The following FAM149B1 variants were observed in gnomAD, a reference collection of about 807,000 sequenced individuals.
FAM149B1 encodes family with sequence similarity 149 member B1, also known as primary cilium assembly protein FAM149B1.
FAM149B1 carries 56 observed loss-of-function variants against 75.3 expected under a neutral mutation model. The observed-to-expected ratio is 0.74, with a 90% confidence interval of 0.60 to 0.93. The LOEUF (loss-of-function observed/expected upper bound fraction) is 0.93, where lower values mean the gene tolerates loss of function less well. FAM149B1 is among the 40% of genes least tolerant of loss of function. FAM149B1 has a pLI of 0.00. For synonymous variants in FAM149B1, 259 were observed against 256.1 expected, an observed-to-expected ratio of 1.01 and a Z score of -0.11; for missense variants, 639 against 708.4, an observed-to-expected ratio of 0.90 and a Z score of 1.11.
intron 3 of FAM149B1, among the ~76,000 whole-genome samples, chr10:73,184,544 T>G (rs2042473116): frequency 6.6e-6 from 1 of 152,190 alleles, no homozygotes; most frequent in Non-Finnish European, 1.5e-5. Context: ...AGCAAGTTTT[T>G]TAACTATAAA....
intron 2 of FAM149B1, among the ~76,000 whole-genome samples, chr10:73,175,185 C>T (rs1402245724): frequency 6.6e-6 from 1 of 151,970 alleles, no homozygotes; most frequent in East Asian, 1.9e-4. Context: ...ACATGGCAAA[C>T]CCCATCTCTA....
chr10:73,226,376 G>A (rs1359171212), intron 7 of FAM149B1, among the ~76,000 whole-genome samples: 1 of 152,086 alleles, frequency 6.6e-6, no homozygotes, highest in Non-Finnish European at 1.5e-5. Flanking sequence ...GTGGTGGCGG[G>A]CACCTGTAGT....
intron 13 of FAM149B1, among the ~76,000 whole-genome samples, chr10:73,240,445 G>A (rs1304829043): frequency 3.3e-5 from 5 of 152,174 alleles, no homozygotes; most frequent in African/African-American, 7.2e-5. Context: ...GGGCGTGGTG[G>A]CTCATGCCTG....
At chr10:73,192,336 A>G (rs2042704430) in intron 3 of FAM149B1, 1 of 498,558 alleles carries the variant, frequency 2.0e-6, no homozygotes, top group Admixed American at 3.9e-5. Context: ...TAAAAAACAG[A>G]CATTTATCTA....
intron 5 of FAM149B1, among the ~76,000 whole-genome samples, chr10:73,207,488 C>T (rs1300530777): frequency 1.3e-5 from 2 of 151,864 alleles, no homozygotes; most frequent in Non-Finnish European, 2.9e-5. Flanking sequence ...TGCTTGAACC[C>T]GGGAGGCAGA....
intron 7 of FAM149B1, among the ~76,000 whole-genome samples, chr10:73,217,324 G>A (rs572254814): frequency 3.3e-5 from 5 of 152,140 alleles, no homozygotes; most frequent in Non-Finnish European, 7.4e-5. Flanking sequence ...TAGAATGGCT[G>A]GCTTATAGTT....
Position 73,230,106 on chromosome 10 carries a change from T to C in FAM149B1, c.1024-316T>C, listed in dbSNP as rs117551545. Among the ~76,000 whole-genome samples, 16 of 152,282 alleles carry C rather than the reference T, an allele frequency of 1.1e-4. No individual in the cohort carries two copies. The East Asian group carries it at 3.1e-3, about 29-fold the overall frequency. The stretch of plus-strand genomic sequence containing the variant: ...ATTGTTCCATATTTTGTCTGTGAGT[T>C]TTCTCTTCTATTTTAATGTAAACAA... On this transcript the variant is annotated intron_variant, in intron 8 of 13. Transcript: ENST00000242505.
intron 3 of FAM149B1, among the ~76,000 whole-genome samples, chr10:73,186,720 C>T (rs981494311): frequency 1.3e-5 from 2 of 152,110 alleles, no homozygotes; most frequent in Non-Finnish European, 2.9e-5. Flanking sequence ...AAAGAAGTTC[C>T]GATACATGTT....
chr10:73,194,521 T>A (rs1589151943), intron 5 of FAM149B1, among the ~76,000 whole-genome samples: 1 of 151,834 alleles, frequency 6.6e-6, no homozygotes, highest in Admixed American at 6.6e-5. Flanking sequence ...GCCTCCCGAG[T>A]AGCTGGGACT....
intron 3 of FAM149B1, among the ~76,000 whole-genome samples, chr10:73,185,718 G>A (rs1012737951): frequency 5.3e-5 from 8 of 151,984 alleles, no homozygotes; most frequent in African/African-American, 1.9e-4. Flanking sequence ...GTATTACACT[G>A]ATACCAAAAC....
chr10:73,173,615 G>A (rs778619291), intron 1 of FAM149B1, among the ~76,000 whole-genome samples: 4 of 152,142 alleles, frequency 2.6e-5, no homozygotes, highest in African/African-American at 4.8e-5. Flanking sequence ...CCCCTGTACA[G>A]TAAAACATCC....
chr10:73,177,857 T>C lies in FAM149B1; in HGVS notation c.164T>C (p.Ile55Thr). ...KDTSSQSKSD[I>T]TRESSFTSAD... is the part of the protein sequence containing the mutation. ...AATTGTGCCTTTAGCAAGTCTGACA[T>C]CACAAGAGAATCATCTTTTACATCA... The change falls in exon 3 of 14, where the codon ATC (isoleucine) becomes ACC (threonine). Residue 55 changes from isoleucine to threonine, a missense_variant. Physicochemically the swap from Ile to Thr is moderately conservative, Grantham distance 89. Transcript: ENST00000242505. 6.5e-7 allele frequency: 1 copy of C among 1,549,792 alleles called. No homozygotes were observed. Among genetic ancestry groups the C allele is most frequent in the Non-Finnish European group, 8.7e-7 (1 of 1,146,744 alleles).
At chr10:73,214,611 T>G (rs1227045679) in intron 7 of FAM149B1, among the ~76,000 whole-genome samples, 1 of 152,230 alleles carries the variant, frequency 6.6e-6, no homozygotes, top group Non-Finnish European at 1.5e-5. Context: ...ATTTATTGAT[T>G]TGCATATGTT....
intron 10 of FAM149B1, 175 bp downstream of exon 10, chr10:73,233,338 T>TCTGGAG: frequency 1.7e-6 from 1 of 581,036 alleles, no homozygotes; most frequent in Non-Finnish European, 3.0e-6. Flanking sequence ...GTGGTTAAAT[T>TCTGGAG]TTATTTTATT....
At chr10:73,212,363 C>T (rs955863132) in intron 7 of FAM149B1, among the ~76,000 whole-genome samples, 8 of 152,282 alleles carry the variant, frequency 5.3e-5, no homozygotes, top group Admixed American at 4.6e-4. Flanking sequence ...CCACTGCAAC[C>T]TCTGCCGCCT....
intron 9 of FAM149B1, among the ~76,000 whole-genome samples, chr10:73,232,560 G>A (rs938907138): frequency 3.7e-4 from 56 of 152,332 alleles, no homozygotes; most frequent in African/African-American, 1.3e-3. Context: ...CAGCACAAAA[G>A]AATGCCTCAA....
At chr10:73,192,243 C>A in intron 3 of FAM149B1, 1 of 127,520 alleles carries the variant, frequency 7.8e-6, no homozygotes, top group Non-Finnish European at 1.5e-5. Context: ...TCAAGTGAAG[C>A]AGTAGGAGTG....
chr10:73,202,978 C>G (rs976906266), intron 5 of FAM149B1, among the ~76,000 whole-genome samples: 17 of 152,184 alleles, frequency 1.1e-4, no homozygotes, highest in African/African-American at 4.1e-4. Flanking sequence ...TTTACCAACT[C>G]TTGCATAAGA....
At chr10:73,188,836 G>A (rs912099521) in intron 3 of FAM149B1, among the ~76,000 whole-genome samples, 3 of 150,554 alleles carry the variant, frequency 2.0e-5, no homozygotes, top group Non-Finnish European at 2.9e-5. Context: ...GATTGGGAGA[G>A]AATATTTCCA....
Sources: gnomAD v4.1 joint callset for allele counts (sites outside exome capture counted in the v4.1 genomes callset) on GRCh38, gnomAD v4.1.1 for gene constraint, MANE v1.5 for transcripts, NCBI Gene and HGNC (gene_info 2026-07-23, HGNC 2026-07-21) for gene names.